SH3RF3: variants seen among roughly 807,000 people sequenced by gnomAD.
The protein encoded by SH3RF3 is SH3 domain containing ring finger 3.
SH3RF3 carries 29 observed loss-of-function variants against 66.3 expected under a neutral mutation model. That is an observed-to-expected ratio of 0.44 (90% confidence interval 0.33 to 0.60). The LOEUF is 0.60. Ranked by LOEUF, SH3RF3 falls within the 20% of genes least tolerant of loss-of-function variation. The pLI is 0.04. For missense variants in SH3RF3, 1,194 were observed against 1,190.9 expected (o/e 1.00, Z -0.04); for synonymous variants, 583 against 532.0 (o/e 1.10, Z -1.32).
intron 1 of SH3RF3, among the ~76,000 whole-genome samples, chr2:109,217,608 A>C (rs1679129767): frequency 6.6e-6 from 1 of 152,254 alleles, no homozygotes; most frequent in Non-Finnish European, 1.5e-5. Context: ...TTATAAACAG[A>C]ATCAGTCCAC....
chr2:109,200,844 C>G (rs1678652942), intron 1 of SH3RF3, among the ~76,000 whole-genome samples: 1 of 152,246 alleles, frequency 6.6e-6, no homozygotes. Flanking sequence ...AGCTTTTCCC[C>G]TAAGTGCGGC....
chr2:109,320,378 C>A (rs183185518), intron 1 of SH3RF3, among the ~76,000 whole-genome samples: 15 of 152,176 alleles, frequency 9.9e-5, no homozygotes, highest in Non-Finnish European at 1.5e-4. Context: ...GCAGGTACAA[C>A]GTTTGATCTC....
intron 1 of SH3RF3, among the ~76,000 whole-genome samples, chr2:109,275,433 C>T (rs900410450): frequency 2.0e-5 from 3 of 152,120 alleles, no homozygotes; most frequent in Admixed American, 1.3e-4. Flanking sequence ...TCAGTTGGAC[C>T]GACACCGGAA....
chr2:109,231,992 C>G (rs548764377), intron 1 of SH3RF3, among the ~76,000 whole-genome samples: 1 of 152,300 alleles, frequency 6.6e-6, no homozygotes, highest in Admixed American at 6.5e-5. Context: ...CTTTTTAGTA[C>G]TGATGTGTAT....
chr2:109,181,093 T>C (rs1446763369), intron 1 of SH3RF3, among the ~76,000 whole-genome samples: 1 of 152,220 alleles, frequency 6.6e-6, no homozygotes, highest in African/African-American at 2.4e-5. Flanking sequence ...AGCATGAGCA[T>C]GTGGAGGTGG....
intron 1 of SH3RF3, among the ~76,000 whole-genome samples, chr2:109,210,507 G>T (rs1243687409): frequency 6.6e-6 from 1 of 152,218 alleles, no homozygotes; most frequent in Non-Finnish European, 1.5e-5. Flanking sequence ...AGTGGCTGGA[G>T]TAACACCAAC....
At chr2:109,194,615 C>T (rs1558950859) in intron 1 of SH3RF3, among the ~76,000 whole-genome samples, 1 of 152,232 alleles carries the variant, frequency 6.6e-6, no homozygotes, top group African/African-American at 2.4e-5. Context: ...TATGCACACA[C>T]AGGCACTTTG....
chr2:109,387,157 C>T (rs190406281), intron 3 of SH3RF3, among the ~76,000 whole-genome samples: 2 of 152,160 alleles, frequency 1.3e-5, no homozygotes, highest in African/African-American at 4.8e-5. Context: ...TATAAATTTA[C>T]ATATATTTTG....
intron 1 of SH3RF3, among the ~76,000 whole-genome samples, chr2:109,232,348 A>G (rs1348033737): frequency 1.3e-5 from 2 of 152,224 alleles, no homozygotes; most frequent in Admixed American, 6.5e-5. Flanking sequence ...GGTAGAGAGT[A>G]GTTGCTAAAA....
intron 1 of SH3RF3, among the ~76,000 whole-genome samples, chr2:109,234,457 A>G (rs1422982196): frequency 6.6e-6 from 1 of 152,236 alleles, no homozygotes; most frequent in Non-Finnish European, 1.5e-5. Context: ...TTTGGAACCA[A>G]TTTTGGGGAA....
chr2:109,437,266 T>C (rs1190354810), intron 7 of SH3RF3, 120 bp downstream of exon 7: 2 of 1,413,726 alleles, frequency 1.4e-6, no homozygotes, highest in East Asian at 2.5e-5. Flanking sequence ...GGCAGCTTCA[T>C]GGCAGCTGGA....
intron 7 of SH3RF3, among the ~76,000 whole-genome samples, chr2:109,445,118 A>G (rs1677670938): frequency 6.6e-6 from 1 of 152,224 alleles, no homozygotes; most frequent in Non-Finnish European, 1.5e-5. Context: ...TTGGAAAGCC[A>G]TACAGAGGAA....
chr2:109,387,045 A>C (rs138675369), intron 3 of SH3RF3, among the ~76,000 whole-genome samples: 10 of 152,342 alleles, frequency 6.6e-5, no homozygotes, highest in African/African-American at 2.4e-4. Flanking sequence ...AGAAAATTAA[A>C]ATCACCCATA....
At chr2:109,448,551 T>A (rs1027449594) in intron 7 of SH3RF3, among the ~76,000 whole-genome samples, 3 of 152,180 alleles carry the variant, frequency 2.0e-5, no homozygotes, top group Admixed American at 1.3e-4. Context: ...ACTTGGGATC[T>A]AGGTTGCACG....
At chr2:109,498,533 G>A (rs1013013859) in intron 9 of SH3RF3, among the ~76,000 whole-genome samples, 7 of 152,228 alleles carry the variant, frequency 4.6e-5, no homozygotes, top group African/African-American at 1.7e-4. Flanking sequence ...AACACGTGGG[G>A]TGGGGAAGGG....
chr2:109,223,049 C>G (rs1230262381), intron 1 of SH3RF3, among the ~76,000 whole-genome samples: 1 of 152,230 alleles, frequency 6.6e-6, no homozygotes, highest in Admixed American at 6.5e-5. Context: ...ATGGTGTGAT[C>G]CCACCTCTTG....
chr2:109,437,527 C>T (rs1442602754), intron 7 of SH3RF3, among the ~76,000 whole-genome samples: 1 of 152,216 alleles, frequency 6.6e-6, no homozygotes, highest in Non-Finnish European at 1.5e-5. Context: ...TTTCAAATGC[C>T]TCCCCCATGA....
At chr2:109,423,742 C>T (rs1406099695) in intron 5 of SH3RF3, among the ~76,000 whole-genome samples, 1 of 152,190 alleles carries the variant, frequency 6.6e-6, no homozygotes, top group Non-Finnish European at 1.5e-5. Flanking sequence ...CCCATGGTCA[C>T]CCCTTCCAGG....
At chr2:109,444,354 C>T (rs1270072053) in intron 7 of SH3RF3, among the ~76,000 whole-genome samples, 3 of 152,162 alleles carry the variant, frequency 2.0e-5, no homozygotes, top group Non-Finnish European at 4.4e-5. Context: ...TAAAATGGAA[C>T]ACACAATAGC....
Sources: allele counts gnomAD v4.1 joint callset (sites outside exome capture counted in the v4.1 genomes callset), GRCh38; gene constraint gnomAD v4.1.1; transcripts MANE v1.5; gene names NCBI Gene and HGNC (gene_info 2026-07-23, HGNC 2026-07-21).